The following PMS1 variants were observed in gnomAD, a reference collection of about 807,000 sequenced individuals.
PMS1 encodes the protein PMS1 homolog 1, mismatch repair system component, also known as PMS1 protein homolog 1.
PMS1 carries 79 observed loss-of-function variants against 93.1 expected under a neutral mutation model. The ratio of observed to expected loss-of-function variants is 0.85; its 90% CI spans 0.71 to 1.02. The LOEUF is 1.02. Ranked by LOEUF, PMS1 falls within the 50% of genes least tolerant of loss-of-function variation. PMS1 has a pLI of 0.00. For missense variants in PMS1, 1,064 were observed against 1,085.3 expected (o/e 0.98, Z 0.28); for synonymous variants, 335 against 363.4 (o/e 0.92, Z 0.89).
At chr2:189,797,351 G>A (rs1397522073) in intron 3 of PMS1, among the ~76,000 whole-genome samples, 2 of 152,178 alleles carry the variant, frequency 1.3e-5, no homozygotes, top group Admixed American at 1.3e-4. Context: ...CACTTGCATA[G>A]TACCAATTAT....
In PMS1 at chr2:189,850,750, C is replaced by G. The variant is rs256574; in HGVS notation, c.700-1905C>G. Among the ~76,000 whole-genome samples the G allele has an allele frequency of 5.2e-3, 791 of 152,190 alleles. 11 individuals carry two copies. Among genetic ancestry groups the G allele is most frequent in the African/African-American group, 0.018 (765 of 41,536 alleles). ...CCAAAGGAGAAGGATGAAACAAATT[C>G]ATTCAGTGAGACACTTCCCAGATGA... is the stretch of plus-strand genomic sequence containing the variant. On this transcript the variant is annotated intron_variant, in intron 6 of 12. Transcript: ENST00000441310.
At position 189,817,652 on chromosome 2, in the gene PMS1, A is replaced by G. The variant is rs1321985642; in HGVS notation, c.419-365A>G. On this transcript the variant is annotated intron_variant, in intron 4 of 12. Transcript: ENST00000441310. ...ACATAAGGTTATTATATAAACTGTA[A>G]TATTATATCTCCTATAAATTATATT... Among the ~76,000 whole-genome samples, 4 of 152,318 alleles carry G rather than the reference A, an allele frequency of 2.6e-5. No homozygotes were observed. The East Asian group carries it at 7.7e-4, about 29-fold the overall frequency.
chr2:189,848,126 G>A (rs2054403769), intron 6 of PMS1, among the ~76,000 whole-genome samples: 1 of 152,058 alleles, frequency 6.6e-6, no homozygotes, highest in South Asian at 2.1e-4. Context: ...GGATGGCAAG[G>A]GTACTGTCTG....
chr2:189,825,151 T>G (rs1482286835), intron 5 of PMS1, among the ~76,000 whole-genome samples: 1 of 152,180 alleles, frequency 6.6e-6, no homozygotes, highest in African/African-American at 2.4e-5. Flanking sequence ...GCCAAGACAT[T>G]CTTTGAATAC....
At chr2:189,837,946 A>G (rs1436384261) in intron 5 of PMS1, among the ~76,000 whole-genome samples, 1 of 152,216 alleles carries the variant, frequency 6.6e-6, no homozygotes, top group Non-Finnish European at 1.5e-5. Flanking sequence ...GATTCCATTT[A>G]TATGAAACAT....
At chr2:189,790,909 G>A (rs984923725) in intron 1 of PMS1, among the ~76,000 whole-genome samples, 2 of 152,182 alleles carry the variant, frequency 1.3e-5, no homozygotes, top group East Asian at 1.9e-4. Context: ...TGGGTTTAGG[G>A]TAGGGATTGG....
chr2:189,837,309 T>TA (rs2053471130), intron 5 of PMS1, among the ~76,000 whole-genome samples: 1 of 151,930 alleles, frequency 6.6e-6, no homozygotes, highest in African/African-American at 2.4e-5. Flanking sequence ...ATTTTTTTTT[T>TA]ATAGAAACAG....
At chr2:189,805,610 A>T in intron 3 of PMS1, 42 bp from the exon 4 acceptor site, 1 of 1,440,640 alleles carries the variant, frequency 6.9e-7, no homozygotes, top group Non-Finnish European at 9.8e-7. Context: ...ACCCATCGCA[A>T]TATCTAAAGT....
At position 189,867,794 on chromosome 2, in the gene PMS1, T is replaced by C. The variant is rs2056791097; in HGVS notation, c.2343-5T>C. 3 of 1,567,396 alleles carry C rather than the reference T, an allele frequency of 1.9e-6. No homozygotes were observed. Among genetic ancestry groups the C allele is most frequent in the South Asian group, 1.1e-5 (1 of 90,064 alleles). ...TAAGTTAAAGGGCCATAATTTCTTT[T>C]TCAGTCTTTTTAATGGATCTCATTA... On this transcript the variant is annotated splice_polypyrimidine_tract_variant and splice_region_variant and intron_variant, in intron 10 of 12. Coordinates refer to ENST00000441310, the MANE Select transcript of PMS1 (RefSeq NM_000534.5).
chr2:189,842,178 G>T (rs554166891), intron 5 of PMS1, among the ~76,000 whole-genome samples: 1 of 151,700 alleles, frequency 6.6e-6, no homozygotes, highest in Non-Finnish European at 1.5e-5. Flanking sequence ...AGCCAGCCAC[G>T]TCTGTTCCTA....
chr2:189,869,674 C>G (rs896703873), intron 11 of PMS1, among the ~76,000 whole-genome samples: 2 of 151,900 alleles, frequency 1.3e-5, no homozygotes, highest in Non-Finnish European at 2.9e-5. Flanking sequence ...AAAAATTAGC[C>G]GGGCATGTGG....
Position 189,791,905 on chromosome 2 carries a change from C to T in PMS1, c.96C>T (p.Ser32=), listed in dbSNP as rs1221199440. ...TTGTAAAAGAGCTTATTGAAAACTC[C>T]TTGGATGCTGGTGCCACAAGCGTAG... The part of the protein sequence containing the change: ...VSVVKELIEN[S]LDAGATSVDV... Residue 32 remains serine (S), a synonymous_variant, in exon 2 of 13, where the codon TCC becomes TCT. Coordinates refer to ENST00000441310, the MANE Select transcript of PMS1 (RefSeq NM_000534.5). 3.7e-6 allele frequency: 6 copies of T among 1,613,842 alleles called. No individual in the cohort carries two copies. Among genetic ancestry groups the T allele is most frequent in the Admixed American group, 1.7e-5 (1 of 59,994 alleles).
At chr2:189,794,038 G>A (rs1288037265) in intron 2 of PMS1, among the ~76,000 whole-genome samples, 5 of 152,098 alleles carry the variant, frequency 3.3e-5, no homozygotes, top group Non-Finnish European at 5.9e-5. Context: ...GTACAGGCGT[G>A]AGCCACCATA....
intron 5 of PMS1, among the ~76,000 whole-genome samples, chr2:189,837,454 A>G (rs1420705022): frequency 6.6e-6 from 1 of 152,232 alleles, no homozygotes; most frequent in African/African-American, 2.4e-5. Context: ...AGTATGAAGC[A>G]GGGGACATTT....
At chr2:189,863,623 A>G (rs1371591857) in intron 9 of PMS1, 120 bp from the exon 10 acceptor site, 10 of 737,244 alleles carry the variant, frequency 1.4e-5, no homozygotes, top group East Asian at 2.7e-5. Flanking sequence ...AGTCTAATAC[A>G]TGTTCCTTTG....
chr2:189,791,602 G>A (rs528178421), intron 1 of PMS1, 188 bp from the exon 2 acceptor site: 18 of 474,618 alleles, frequency 3.8e-5, no homozygotes, highest in Admixed American at 2.3e-4. Context: ...GGGTGACAGC[G>A]AGATTTCATC....
chr2:189,874,938 A>G (rs1364338152), intron 12 of PMS1, among the ~76,000 whole-genome samples: 1 of 151,554 alleles, frequency 6.6e-6, no homozygotes, highest in African/African-American at 2.4e-5. Context: ...GAATAAAGTA[A>G]ATTGGGACTG....
chr2:189,812,398 AT>A (rs2050926124), intron 4 of PMS1, among the ~76,000 whole-genome samples: 2 of 152,226 alleles, frequency 1.3e-5, no homozygotes, highest in Admixed American at 1.3e-4. Flanking sequence ...TTTCATACAA[AT>A]AAAACAGAGA....
chr2:189,815,615 C>T (rs2051231207), intron 4 of PMS1, among the ~76,000 whole-genome samples: 1 of 152,182 alleles, frequency 6.6e-6, no homozygotes, highest in Non-Finnish European at 1.5e-5. Context: ...GCCTCCCAGC[C>T]ATGTGGAACT....
Sources: gnomAD v4.1 joint callset for allele counts (sites outside exome capture counted in the v4.1 genomes callset) on GRCh38, gnomAD v4.1.1 for gene constraint, MANE v1.5 for transcripts, NCBI Gene and HGNC (gene_info 2026-07-23, HGNC 2026-07-21) for gene names.